Variants in MED13L observed in about 807,000 individuals in gnomAD.
MED13L encodes the protein mediator complex subunit 13L.
Under a neutral mutation model 220.9 loss-of-function variants are expected in MED13L, and 7 were observed. That is an observed-to-expected ratio of 0.03 (90% CI 0.02 to 0.06). The LOEUF is 0.06. Among genes scored for constraint, MED13L ranks in the 10% least tolerant of loss-of-function variants. The pLI, the probability that MED13L is intolerant of heterozygous loss-of-function variation, is 1.00. For synonymous variants in MED13L, 1,011 were observed against 1,015.2 expected, an observed-to-expected ratio of 1.00 and a Z score of 0.08; for missense variants, 1,965 against 2,760.5, an observed-to-expected ratio of 0.71 and a Z score of 6.46.
At chr12:116,014,011 A>G (rs1424927850) in intron 8 of MED13L, among the ~76,000 whole-genome samples, 1 of 152,260 alleles carries the variant, frequency 6.6e-6, no homozygotes, top group South Asian at 2.1e-4. Context: ...AGATGGAAGT[A>G]AAAATATCTG....
At chr12:116,243,178 C>T (rs1019777159) in intron 1 of MED13L, among the ~76,000 whole-genome samples, 3 of 152,144 alleles carry the variant, frequency 2.0e-5, no homozygotes, top group African/African-American at 7.2e-5. Flanking sequence ...AACAAAATCA[C>T]TATTCTGATA....
intron 19 of MED13L, among the ~76,000 whole-genome samples, chr12:115,985,413 C>T (rs1464676484): frequency 6.6e-6 from 1 of 152,228 alleles, no homozygotes; most frequent in African/African-American, 2.4e-5. Flanking sequence ...TCCGTGCCTA[C>T]TCATACATTT....
At chr12:116,197,003 A>G (rs1307335298) in intron 2 of MED13L, among the ~76,000 whole-genome samples, 1 of 152,212 alleles carries the variant, frequency 6.6e-6, no homozygotes, top group Admixed American at 6.5e-5. Flanking sequence ...TTGAACAGTA[A>G]CCATATTAAG....
intron 2 of MED13L, among the ~76,000 whole-genome samples, chr12:116,196,713 G>A (rs1881646807): frequency 6.6e-6 from 1 of 152,060 alleles, no homozygotes; most frequent in Admixed American, 6.5e-5. Flanking sequence ...GATAATTTAG[G>A]CTGCATTTAT....
intron 2 of MED13L, among the ~76,000 whole-genome samples, chr12:116,168,465 G>T (rs1464399960): frequency 6.6e-6 from 1 of 152,150 alleles, no homozygotes; most frequent in South Asian, 2.1e-4. Flanking sequence ...CTTATAACCT[G>T]AGTAAAAGCT....
intron 2 of MED13L, among the ~76,000 whole-genome samples, chr12:116,193,245 C>T (rs187584244): frequency 1.3e-5 from 2 of 152,158 alleles, no homozygotes; most frequent in African/African-American, 4.8e-5. Flanking sequence ...CAGGAGTTTG[C>T]AACTGCAGTG....
intron 2 of MED13L, among the ~76,000 whole-genome samples, chr12:116,221,439 G>C (rs1382230238): frequency 1.3e-5 from 2 of 150,756 alleles, no homozygotes; most frequent in Non-Finnish European, 3.0e-5. Flanking sequence ...TTAATATTCT[G>C]AAAGAAAGAA....
At chr12:116,159,020 T>C (rs1435325380) in intron 2 of MED13L, among the ~76,000 whole-genome samples, 1 of 152,092 alleles carries the variant, frequency 6.6e-6, no homozygotes, top group African/African-American at 2.4e-5. Flanking sequence ...AACTGAAAAA[T>C]ATGTTCAATC....
chr12:116,064,957 C>T (rs1036947129), intron 4 of MED13L, among the ~76,000 whole-genome samples: 13 of 152,160 alleles, frequency 8.5e-5, no homozygotes, highest in African/African-American at 2.9e-4. Context: ...TATGTATATA[C>T]AGTCAAGCAA....
chr12:116,044,737 AG>A (rs1220084985), intron 4 of MED13L, among the ~76,000 whole-genome samples: 1 of 152,226 alleles, frequency 6.6e-6, no homozygotes, highest in African/African-American at 2.4e-5. Flanking sequence ...ACATCTGGAA[AG>A]AACCCAAGTC....
At chr12:116,170,547 A>G (rs547176457) in intron 2 of MED13L, among the ~76,000 whole-genome samples, 2 of 151,988 alleles carry the variant, frequency 1.3e-5, no homozygotes, top group Non-Finnish European at 2.9e-5. Context: ...ATAGAACATT[A>G]AAAAGACATG....
chr12:116,145,413 G>A (rs1877396586), intron 2 of MED13L, among the ~76,000 whole-genome samples: 1 of 152,158 alleles, frequency 6.6e-6, no homozygotes, highest in Admixed American at 6.5e-5. Flanking sequence ...GTACCTTCCA[G>A]TACTAAAATT....
Position 116,078,650 on chromosome 12 carries a change from A to G in MED13L, c.479+18019T>C, listed in dbSNP as rs117560535. On this transcript the variant is annotated intron_variant, in intron 4 of 30. Coordinates refer to ENST00000281928, the MANE Select transcript of MED13L (RefSeq NM_015335.5). ...ATGCCTCTTTGCTTACATATCATCT[A>G]TGGCTGCTTTCTCAGTACAATGTGA... Among the ~76,000 whole-genome samples, 335 of 152,264 alleles carry G rather than the reference A, an allele frequency of 2.2e-3. 1 individual carries two copies. Among genetic ancestry groups the G allele is most frequent in the Middle Eastern group, 0.014 (4 of 294 alleles).
chr12:116,242,049 T>C lies in MED13L; in HGVS notation c.73-4344A>G, dbSNP rs1167539342. 2.0e-4 allele frequency among the ~76,000 whole-genome samples: 13 copies of C among 64,826 alleles called. No homozygotes were observed. The South Asian group carries it at 5.5e-3, about 27-fold the overall frequency. 42.5% of individuals were successfully genotyped at this position (64,826 alleles called of 152,430 possible). On this transcript the variant is annotated intron_variant, in intron 1 of 30. Coordinates refer to ENST00000281928, the MANE Select transcript of MED13L (RefSeq NM_015335.5). ...TAAGTGCACTCCAAGTTCTTTTGTC[T>C]TTTTTTTTTTTTTTTTTTTTGAGAT... is the stretch of plus-strand genomic sequence containing the variant.
At chr12:116,078,141 CA>C (rs924705816) in intron 4 of MED13L, among the ~76,000 whole-genome samples, 3,284 of 58,714 alleles carry the variant, frequency 0.056, 28 homozygotes, top group Middle Eastern at 0.12. Context: ...GACTCTGTCT[CA>C]AAAAAAAAAA....
At chr12:116,169,435 T>C (rs1269597580) in intron 2 of MED13L, among the ~76,000 whole-genome samples, 2 of 152,188 alleles carry the variant, frequency 1.3e-5, no homozygotes, top group Non-Finnish European at 2.9e-5. Context: ...TACATAAATT[T>C]AGTGAGAAGA....
chr12:115,974,086 T>C (rs935713393), intron 25 of MED13L, among the ~76,000 whole-genome samples: 2 of 152,130 alleles, frequency 1.3e-5, no homozygotes, highest in Admixed American at 1.3e-4. Context: ...CAGCAAACTA[T>C]GATCCACAGG....
At chr12:116,194,648 T>C (rs978791236) in intron 2 of MED13L, among the ~76,000 whole-genome samples, 1 of 152,166 alleles carries the variant, frequency 6.6e-6, no homozygotes, top group African/African-American at 2.4e-5. Flanking sequence ...AGAGAAATAT[T>C]TATATGTTCT....
Position 115,996,607 on chromosome 12 carries a change from C to A in MED13L, c.2865G>T (p.Met955Ile), listed in dbSNP as rs1368876028. The A allele has an allele frequency of 6.2e-7, 1 of 1,613,946 alleles. No homozygotes were observed. Among genetic ancestry groups the A allele is most frequent in the Non-Finnish European group, 8.5e-7 (1 of 1,179,996 alleles). Reference sequence around the variant, plus strand: ...GAGGTAGCAAACAATGGCTCGGCAACATCTTCAGTGGAGCAAACATGGAGG... The same window carrying A: ...GAGGTAGCAAACAATGGCTCGGCAAAATCTTCAGTGGAGCAAACATGGAGG... Reference protein sequence around the residue: ...VGSSMFAPLKMLPSHCLLPLK... With the variant: ...VGSSMFAPLKILPSHCLLPLK... Residue 955 changes from methionine to isoleucine, a missense_variant, in exon 16 of 31, where the codon ATG becomes ATT. Coordinates refer to ENST00000281928, the MANE Select transcript of MED13L (RefSeq NM_015335.5).
Sources: gnomAD v4.1 joint callset for allele counts (sites outside exome capture counted in the v4.1 genomes callset) on GRCh38, gnomAD v4.1.1 for gene constraint, MANE v1.5 for transcripts, NCBI Gene and HGNC (gene_info 2026-07-23, HGNC 2026-07-21) for gene names.